The following PPFIA2 variants were observed in gnomAD, a reference collection of about 807,000 sequenced individuals.
PPFIA2 encodes the protein PPFI scaffold protein A2, also known as liprin-alpha-2.
In PPFIA2, 46 loss-of-function variants were observed where a neutral mutation model predicts 175.5. The ratio of observed to expected loss-of-function variants is 0.26; its 90% CI spans 0.21 to 0.34. PPFIA2 has a LOEUF of 0.34. Ranked by LOEUF, PPFIA2 falls within the 10% of genes least tolerant of loss-of-function variation. PPFIA2 has a pLI of 1.00. For synonymous variants in PPFIA2, 568 were observed against 511.4 expected (o/e 1.11, Z -1.49); for missense variants, 1,179 against 1,506.1 (o/e 0.78, Z 3.60).
rs368450230 is a variant in PPFIA2 at position 81,413,836 on chromosome 12, AT to A, written c.646-7934del. 2.9e-3 allele frequency among the ~76,000 whole-genome samples: 441 copies of A among 151,920 alleles called. 6 individuals carry two copies. Among genetic ancestry groups the A allele is most frequent in the African/African-American group, 9.9e-3 (411 of 41,552 alleles). ...ATTTTCCAATAAAAAAGGAAAAGCA[AT>A]GTAAATTGATTTAGTATTCACTTCA... On this transcript the variant is annotated intron_variant, in intron 7 of 32. Transcript: ENST00000549396.
intron 4 of PPFIA2, among the ~76,000 whole-genome samples, chr12:81,573,284 T>G (rs563140525): frequency 5.1e-4 from 77 of 152,046 alleles, no homozygotes; most frequent in Non-Finnish European, 1.0e-3. Context: ...TGTATTTTTT[T>G]AAATTAATGA....
At chr12:81,568,574 C>T (rs2071828188) in intron 4 of PPFIA2, among the ~76,000 whole-genome samples, 1 of 152,208 alleles carries the variant, frequency 6.6e-6, no homozygotes, top group South Asian at 2.1e-4. Context: ...AAATCTGCAG[C>T]TTTCAGCGTG....
intron 3 of PPFIA2, among the ~76,000 whole-genome samples, chr12:81,683,711 C>A (rs2074028484): frequency 6.6e-6 from 1 of 151,958 alleles, no homozygotes; most frequent in South Asian, 2.1e-4. Flanking sequence ...TCTTAGGGTG[C>A]TTATTTCTAG....
At chr12:81,749,699 AT>A (rs1281792705) in intron 3 of PPFIA2, among the ~76,000 whole-genome samples, 1 of 144,016 alleles carries the variant, frequency 6.9e-6, no homozygotes, top group African/African-American at 2.4e-5. Context: ...TCCATATTTA[AT>A]TTTTTATACA....
At chr12:81,566,329 C>T (rs2071273392) in intron 4 of PPFIA2, among the ~76,000 whole-genome samples, 1 of 151,890 alleles carries the variant, frequency 6.6e-6, no homozygotes, top group Admixed American at 6.6e-5. Flanking sequence ...CGAGACCATC[C>T]TGGCCAACAT....
intron 4 of PPFIA2, among the ~76,000 whole-genome samples, chr12:81,498,302 A>G (rs2060238858): frequency 6.6e-6 from 1 of 152,152 alleles, no homozygotes; most frequent in Non-Finnish European, 1.5e-5. Flanking sequence ...AATTTCTACT[A>G]ATATTACTCT....
At chr12:81,276,842 T>C (rs1009407808) in intron 28 of PPFIA2, among the ~76,000 whole-genome samples, 1 of 152,166 alleles carries the variant, frequency 6.6e-6, no homozygotes. Context: ...AATCCTTATA[T>C]CATTCCTGCA....
chr12:81,394,186 T>G (rs2040657445), intron 8 of PPFIA2, among the ~76,000 whole-genome samples: 1 of 152,026 alleles, frequency 6.6e-6, no homozygotes, highest in South Asian at 2.1e-4. Flanking sequence ...AAAATTCCTT[T>G]TTGGTCTGAT....
intron 8 of PPFIA2, among the ~76,000 whole-genome samples, chr12:81,399,179 A>G (rs2041700832): frequency 6.6e-6 from 1 of 151,752 alleles, no homozygotes; most frequent in African/African-American, 2.4e-5. Flanking sequence ...CCAAAAGACA[A>G]CAGATTCCTT....
At chr12:81,328,881 A>ACCACTGCTGAGTTT (rs1294565283) in intron 21 of PPFIA2, among the ~76,000 whole-genome samples, 1 of 146,832 alleles carries the variant, frequency 6.8e-6, no homozygotes, top group Non-Finnish European at 1.5e-5. Flanking sequence ...TGGTGCCATC[A>ACCACTGCTGAGTTT]GAGCTCACTG....
intron 24 of PPFIA2, chr12:81,294,544 A>C (rs1324366389): frequency 3.5e-6 from 1 of 289,144 alleles, no homozygotes; most frequent in Non-Finnish European, 6.5e-6. Context: ...GAAGGAAGGA[A>C]GGAATTGAAA....
At chr12:81,444,069 T>C (rs1456529506) in intron 6 of PPFIA2, among the ~76,000 whole-genome samples, 1 of 151,564 alleles carries the variant, frequency 6.6e-6, no homozygotes, top group Non-Finnish European at 1.5e-5. Context: ...TTAGCCAGGA[T>C]GGTCTCGATC....
At chr12:81,497,632 C>A (rs951871075) in intron 4 of PPFIA2, among the ~76,000 whole-genome samples, 1 of 150,502 alleles carries the variant, frequency 6.6e-6, no homozygotes, top group Non-Finnish European at 1.5e-5. Flanking sequence ...TGCAGCCTCC[C>A]AGGTTCAAGC....
chr12:81,630,614 G>C (rs1417001467), intron 4 of PPFIA2, among the ~76,000 whole-genome samples: 1 of 151,958 alleles, frequency 6.6e-6, no homozygotes, highest in Non-Finnish European at 1.5e-5. Flanking sequence ...GTCTTGTCCT[G>C]ATGACTCTGA....
chr12:81,745,350 C>T (rs1327323519), intron 3 of PPFIA2, among the ~76,000 whole-genome samples: 5 of 152,242 alleles, frequency 3.3e-5, no homozygotes, highest in Admixed American at 2.0e-4. Context: ...ACTTCACCCA[C>T]TCACAGCAAC....
chr12:81,636,121 A>C (rs145303945), intron 4 of PPFIA2, among the ~76,000 whole-genome samples: 1 of 152,284 alleles, frequency 6.6e-6, no homozygotes, highest in East Asian at 1.9e-4. Flanking sequence ...AATATGTTAC[A>C]AAATAATCTT....
In PPFIA2 at chr12:81,671,493, G is replaced by A. The variant is rs566564351; in HGVS notation, c.303+5298C>T. 6.6e-5 allele frequency among the ~76,000 whole-genome samples: 10 copies of A among 151,890 alleles called. No individual in the cohort carries two copies. The East Asian group carries it at 1.6e-3, about 24-fold the overall frequency. ...TTTCATCACTATCCTTTGGAAGAAA[G>A]ACTGCAAGTCTTTTCATAGGTCTCT... On this transcript the variant is annotated intron_variant, in intron 4 of 32. Transcript: ENST00000549396.
intron 4 of PPFIA2, among the ~76,000 whole-genome samples, chr12:81,670,819 A>C (rs1211705812): frequency 6.6e-6 from 1 of 151,912 alleles, no homozygotes; most frequent in Non-Finnish European, 1.5e-5. Flanking sequence ...CCTCTCTTTA[A>C]CTTGGCATTA....
chr12:81,500,779 T>C (rs2060514470), intron 4 of PPFIA2, among the ~76,000 whole-genome samples: 1 of 152,204 alleles, frequency 6.6e-6, no homozygotes, highest in South Asian at 2.1e-4. Flanking sequence ...CCTGACCCGC[T>C]ATGTGACTTG....
Sources: gnomAD v4.1 joint callset for allele counts (sites outside exome capture counted in the v4.1 genomes callset) on GRCh38, gnomAD v4.1.1 for gene constraint, MANE v1.5 for transcripts, NCBI Gene and HGNC (gene_info 2026-07-23, HGNC 2026-07-21) for gene names.